The following VWA5B1 variants were observed in gnomAD, a reference collection of about 807,000 sequenced individuals.
VWA5B1 encodes von Willebrand factor A domain-containing protein 5B1.
VWA5B1 carries 115 observed loss-of-function variants against 118.2 expected under a neutral mutation model. The ratio of observed to expected loss-of-function variants is 0.97; its 90% CI spans 0.84 to 1.14. The LOEUF is 1.14. VWA5B1 is among the 50% of genes most tolerant of loss of function. The pLI is 0.00. For synonymous variants in VWA5B1, 682 were observed against 658.4 expected, an observed-to-expected ratio of 1.04 and a Z score of -0.55; for missense variants, 1,596 against 1,603.8, an observed-to-expected ratio of 1.00 and a Z score of 0.08.
chr1:20,303,330 G>A (rs945357167), intron 1 of VWA5B1: 4 of 152,364 alleles, frequency 2.6e-5, no homozygotes, highest in Non-Finnish European at 5.9e-5. Context: ...GCATCTAGGA[G>A]GGATCAGGCC....
chr1:20,313,209 T>C (rs562474660), intron 3 of VWA5B1, among the ~76,000 whole-genome samples: 1 of 152,360 alleles, frequency 6.6e-6, no homozygotes, highest in Non-Finnish European at 1.5e-5. Flanking sequence ...TAATTGACTT[T>C]CTGTAGTCAC....
chr1:20,313,094 A>G, intron 3 of VWA5B1, 106 bp downstream of exon 3: 2 of 1,412,396 alleles, frequency 1.4e-6, no homozygotes, highest in South Asian at 2.9e-5. Flanking sequence ...GATATGAGGC[A>G]GAAAGAGCAC....
intron 14 of VWA5B1, 107 bp downstream of exon 14, chr1:20,337,943 C>T (rs2089768121): frequency 7.4e-7 from 1 of 1,358,398 alleles, no homozygotes; most frequent in Non-Finnish European, 1.0e-6. Flanking sequence ...ACTTACACTG[C>T]CAAGTGAGTC....
intron 16 of VWA5B1, 147 bp downstream of exon 16, chr1:20,343,540 C>G: frequency 7.4e-7 from 1 of 1,353,244 alleles, no homozygotes; most frequent in Non-Finnish European, 9.7e-7. Flanking sequence ...CTACCCCACC[C>G]CCTCCTCACA....
At chr1:20,291,359 T>TTCTTTCTTTCTCTCTCTCTC (rs1381113890) in intron 1 of VWA5B1, among the ~76,000 whole-genome samples, 2 of 103,406 alleles carry the variant, frequency 1.9e-5, no homozygotes, top group East Asian at 3.0e-4. Flanking sequence ...CTTTCTTTCT[T>TTCTTTCTTTCTCTCTCTCTC]TCTCTCTCTC....
chr1:20,307,810 C>CA (rs551049311), intron 1 of VWA5B1, among the ~76,000 whole-genome samples: 1 of 145,298 alleles, frequency 6.9e-6, no homozygotes, highest in Non-Finnish European at 1.5e-5. Flanking sequence ...TTCTGACATT[C>CA]TTTTTTTTTT....
intron 7 of VWA5B1, among the ~76,000 whole-genome samples, chr1:20,320,610 G>C (rs1025200775): frequency 6.6e-6 from 1 of 152,274 alleles, no homozygotes; most frequent in African/African-American, 2.4e-5. Context: ...TAATTGGCTC[G>C]GGGATGGCGG....
intron 4 of VWA5B1, 141 bp downstream of exon 4, chr1:20,314,733 A>G: frequency 2.8e-6 from 4 of 1,414,296 alleles, no homozygotes; most frequent in Non-Finnish European, 3.7e-6. Flanking sequence ...CCTCTGAGCC[A>G]TTTGCTTCTC....
At chr1:20,321,881 G>T (rs1161689831) in intron 7 of VWA5B1, among the ~76,000 whole-genome samples, 1 of 152,170 alleles carries the variant, frequency 6.6e-6, no homozygotes, top group Non-Finnish European at 1.5e-5. Flanking sequence ...GGCAGGCAGG[G>T]GTCAAGCCAC....
rs145988334 is a variant in VWA5B1 at position 20,350,866 on chromosome 1, G to A, written c.2963G>A (p.Arg988His). The change falls in exon 20 of 22, where the codon CGC (arginine) becomes CAC (histidine). Residue 988 changes from arginine (R) to histidine (H), a missense_variant. Arg to His is a conservative substitution (Grantham distance 29). Coordinates refer to ENST00000289815, the MANE Select transcript of VWA5B1 (RefSeq NM_001039500.3). ...EKHGASEGPQ[R>H]SLATNTLSSM... ...TTCTGTGGCTCTCCAGGTCCCCAGC[G>A]CAGCCTGGCTACAAATACTCTTTCT... 7.5e-5 allele frequency: 116 copies of A among 1,551,794 alleles called. No homozygotes were observed. The highest frequency in any genetic ancestry group is 2.5e-4 in the Admixed American group (13 of 50,994).
intron 1 of VWA5B1, among the ~76,000 whole-genome samples, chr1:20,299,836 C>T (rs1238518913): frequency 1.3e-5 from 2 of 152,196 alleles, no homozygotes; most frequent in African/African-American, 2.4e-5. Flanking sequence ...CTCCTTTCCC[C>T]ACTCCTACCC....
rs1424839459 is a variant in VWA5B1 at position 20,352,066 on chromosome 1, A to G, written c.3035A>G (p.Asn1012Ser). ...CTTCACCTGCACAGGCTAAATCTCAACAAGTCCAGGCTACTGACGCGAGCA... is the reference window on the plus strand; with the variant it reads ...CTTCACCTGCACAGGCTAAATCTCAGCAAGTCCAGGCTACTGACGCGAGCA... ...ENLFGSWLNL[N>S]KSRLLTRAAK... Residue 1012 changes from asparagine to serine, a missense_variant, in exon 21 of 22, where the codon AAC (asparagine) becomes AGC (serine). Physicochemically the swap from Asn to Ser is conservative, Grantham distance 46. Coordinates refer to ENST00000289815, the MANE Select transcript of VWA5B1 (RefSeq NM_001039500.3). The G allele has an allele frequency of 2.6e-6, 4 of 1,551,018 alleles. No homozygotes were observed. The highest frequency in any genetic ancestry group is 3.5e-6 in the Non-Finnish European group (4 of 1,146,826).
Position 20,347,348 on chromosome 1 carries a change from C to T in VWA5B1, c.2765-897C>T, listed in dbSNP as rs142679741. ...CTCCAAAACTTGTTTCCCAACACAACTCTAATTTTTAAGGAAAAACTTACA... is the reference window on the plus strand; with the variant it reads ...CTCCAAAACTTGTTTCCCAACACAATTCTAATTTTTAAGGAAAAACTTACA... On this transcript the variant is annotated intron_variant, in intron 17 of 21. Coordinates refer to ENST00000289815, the MANE Select transcript of VWA5B1 (RefSeq NM_001039500.3). Among the ~76,000 whole-genome samples the T allele has an allele frequency of 5.3e-3, 814 of 152,344 alleles. 7 individuals are homozygous for T. Among genetic ancestry groups the T allele is most frequent in the Non-Finnish European group, 9.6e-3 (654 of 68,032 alleles).
Position 20,310,096 on chromosome 1 carries a change from A to G in VWA5B1, c.-26-480A>G, listed in dbSNP as rs1441333350. ...CCCTCACATACCAAGCGTTCACTGC[A>G]GTGGGCAGCCTCACTGAAGTCAGAG... On this transcript the variant is annotated intron_variant, in intron 1 of 21. Transcript: ENST00000289815. Among the ~76,000 whole-genome samples the G allele has an allele frequency of 2.6e-5, 4 of 152,178 alleles. No individual in the cohort carries two copies. In the South Asian group the frequency reaches 8.3e-4, roughly 32 times the overall value.
At chr1:20,312,139 C>T (rs1027315261) in intron 2 of VWA5B1, among the ~76,000 whole-genome samples, 12 of 152,158 alleles carry the variant, frequency 7.9e-5, no homozygotes, top group African/African-American at 2.9e-4. Flanking sequence ...GATCCCCAGC[C>T]GCCAGCATTA....
At chr1:20,323,569 C>A in intron 8 of VWA5B1, 37 bp downstream of exon 8, 1 of 1,347,572 alleles carries the variant, frequency 7.4e-7, no homozygotes, top group Non-Finnish European at 9.6e-7. Context: ...GGACCCGGGG[C>A]TCCAGGGGAA....
intron 1 of VWA5B1, among the ~76,000 whole-genome samples, chr1:20,307,883 T>C (rs1465230564): frequency 2.0e-5 from 3 of 151,970 alleles, no homozygotes; most frequent in African/African-American, 7.3e-5. Context: ...TTTAAGATAA[T>C]TTCAACTTTT....
chr1:20,310,600 G>A lies in VWA5B1; in HGVS notation c.-2G>A, dbSNP rs2088817408. The A allele has an allele frequency of 6.5e-7, 1 of 1,533,390 alleles. No homozygotes were observed. The highest frequency in any genetic ancestry group is 8.8e-7 in the Non-Finnish European group (1 of 1,139,078). The allele number at this position is 1,533,390 out of a possible 1,614,324, so 95.0% of individuals were successfully genotyped here. A position where few individuals can be genotyped will look rare whatever the true frequency, so the allele number is the denominator to read the frequency against. ...GGTTCTGAAGGCTGAGTAGCCAGCG[G>A]GATGCCCGGCTTGCTGAATTGGATC... On this transcript the variant is annotated 5_prime_UTR_variant, in exon 2 of 22. Coordinates refer to ENST00000289815, the MANE Select transcript of VWA5B1 (RefSeq NM_001039500.3).
chr1:20,306,702 G>A (rs2088665882), intron 1 of VWA5B1, among the ~76,000 whole-genome samples: 2 of 152,126 alleles, frequency 1.3e-5, no homozygotes, highest in African/African-American at 4.8e-5. Flanking sequence ...TGCCCAGAAG[G>A]ACAGCAACCA....
Sources: allele counts gnomAD v4.1 joint callset (sites outside exome capture counted in the v4.1 genomes callset), GRCh38; gene constraint gnomAD v4.1.1; transcripts MANE v1.5; gene names NCBI Gene and HGNC (gene_info 2026-07-23, HGNC 2026-07-21).